The following NLGN1 variants were observed in gnomAD, a reference collection of about 807,000 sequenced individuals.
The protein encoded by NLGN1 is neuroligin 1.
NLGN1 carries 12 observed loss-of-function variants against 65.5 expected under a neutral mutation model. The ratio of observed to expected loss-of-function variants is 0.18; its 90% CI spans 0.12 to 0.30. NLGN1 has a LOEUF of 0.30. Ranked by LOEUF, NLGN1 falls within the 10% of genes least tolerant of loss-of-function variation. The pLI is 1.00. For missense variants in NLGN1, 750 were observed against 1,007.1 expected, an observed-to-expected ratio of 0.74 and a Z score of 3.46; for synonymous variants, 350 against 359.5, an observed-to-expected ratio of 0.97 and a Z score of 0.30.
intron 4 of NLGN1, among the ~76,000 whole-genome samples, chr3:174,154,951 T>A (rs1279847052): frequency 2.8e-5 from 4 of 140,930 alleles, no homozygotes; most frequent in Admixed American, 7.4e-5. Flanking sequence ...ATATAATATA[T>A]AATATAATAT....
chr3:173,811,585 A>AT (rs1717949254), intron 4 of NLGN1, among the ~76,000 whole-genome samples: 1 of 150,104 alleles, frequency 6.7e-6, no homozygotes, highest in Non-Finnish European at 1.5e-5. Flanking sequence ...AAAAAAAAAA[A>AT]GGAAGAAAAG....
chr3:173,984,954 A>G (rs1317515256), intron 4 of NLGN1, among the ~76,000 whole-genome samples: 3 of 152,164 alleles, frequency 2.0e-5, no homozygotes, highest in Admixed American at 1.3e-4. Context: ...AGGCAGGAGA[A>G]TTGCTTTAAC....
At chr3:173,738,054 G>A (rs905143039) in intron 3 of NLGN1, among the ~76,000 whole-genome samples, 8 of 151,776 alleles carry the variant, frequency 5.3e-5, no homozygotes, top group African/African-American at 1.9e-4. Flanking sequence ...TATCTTCTTT[G>A]GAGCAAAGCC....
chr3:173,653,142 A>AAAG (rs1759479648), intron 3 of NLGN1, among the ~76,000 whole-genome samples: 1 of 152,156 alleles, frequency 6.6e-6, no homozygotes, highest in Non-Finnish European at 1.5e-5. Context: ...GTTCTTTTGC[A>AAAG]AAGTCGTTAG....
intron 3 of NLGN1, among the ~76,000 whole-genome samples, chr3:173,612,190 G>A (rs760498429): frequency 3.3e-5 from 5 of 152,008 alleles, no homozygotes; most frequent in African/African-American, 9.7e-5. Flanking sequence ...TAACAATTCC[G>A]GAGAATCATT....
chr3:173,703,235 C>T (rs1384735617), intron 3 of NLGN1, among the ~76,000 whole-genome samples: 1 of 152,086 alleles, frequency 6.6e-6, no homozygotes, highest in Admixed American at 6.5e-5. Context: ...TAGTACAAAG[C>T]TATGTGAAAG....
At chr3:173,503,264 A>C (rs1227665558) in intron 2 of NLGN1, among the ~76,000 whole-genome samples, 1 of 152,126 alleles carries the variant, frequency 6.6e-6, no homozygotes, top group Non-Finnish European at 1.5e-5. Flanking sequence ...TATGGAAATG[A>C]AACAAACCTT....
intron 4 of NLGN1, among the ~76,000 whole-genome samples, chr3:174,123,502 A>G (rs1360101177): frequency 2.6e-5 from 4 of 152,036 alleles, no homozygotes. Flanking sequence ...ATTCTCATAG[A>G]ATTCTTTCTA....
At chr3:174,254,366 T>C (rs572063347) in intron 4 of NLGN1, among the ~76,000 whole-genome samples, 15 of 144,592 alleles carry the variant, frequency 1.0e-4, no homozygotes, top group Non-Finnish European at 2.1e-4. Flanking sequence ...GAAACTTGAA[T>C]TATCTTTCAA....
intron 4 of NLGN1, among the ~76,000 whole-genome samples, chr3:174,194,252 A>G (rs1389238488): frequency 6.6e-6 from 1 of 152,010 alleles, no homozygotes; most frequent in African/African-American, 2.4e-5. Flanking sequence ...AAGTCAAGAG[A>G]TCAAGACCAT....
Position 173,544,152 on chromosome 3 carries a change from A to G in NLGN1, c.-320-60127A>G, listed in dbSNP as rs369870079. Among the ~76,000 whole-genome samples, 20 of 152,210 alleles carry G rather than the reference A, an allele frequency of 1.3e-4. No homozygotes were observed. In the East Asian group the frequency reaches 3.7e-3, roughly 28 times the overall value. On this transcript the variant is annotated intron_variant, in intron 2 of 6. Coordinates refer to ENST00000457714, the Ensembl canonical transcript of NLGN1. ...ATAGTGGAATAAGGTGGTAAGGCATAATAGCATGCCAAGTCATCATAAAGA... is the reference window on the plus strand; with the variant it reads ...ATAGTGGAATAAGGTGGTAAGGCATGATAGCATGCCAAGTCATCATAAAGA...
At chr3:174,141,323 G>A (rs1274830831) in intron 4 of NLGN1, among the ~76,000 whole-genome samples, 3 of 152,112 alleles carry the variant, frequency 2.0e-5, no homozygotes, top group Non-Finnish European at 1.5e-5. Context: ...GGAGGTTGCT[G>A]AAGTGTTTCC....
intron 2 of NLGN1, among the ~76,000 whole-genome samples, chr3:173,478,476 G>T (rs969290151): frequency 2.0e-5 from 3 of 152,092 alleles, no homozygotes; most frequent in African/African-American, 7.2e-5. Flanking sequence ...ACATTGATAG[G>T]TGCAGCAAAC....
intron 2 of NLGN1, among the ~76,000 whole-genome samples, chr3:173,551,777 G>A: frequency 6.6e-6 from 1 of 152,106 alleles, no homozygotes; most frequent in African/African-American, 2.4e-5. Context: ...CCCCACACAA[G>A]CTACTTCACA....
intron 2 of NLGN1, among the ~76,000 whole-genome samples, chr3:173,545,854 AAAC>A (rs1322255233): frequency 2.0e-5 from 3 of 152,286 alleles, no homozygotes; most frequent in African/African-American, 7.2e-5. Context: ...ACGGAAAACC[AAAC>A]ACCACATGTT....
At chr3:173,735,644 G>A (rs1448383526) in intron 3 of NLGN1, among the ~76,000 whole-genome samples, 1 of 151,852 alleles carries the variant, frequency 6.6e-6, no homozygotes, top group Non-Finnish European at 1.5e-5. Context: ...TTGGAGAGGA[G>A]CAGAGTCCCT....
At chr3:173,543,770 TAGAA>T (rs1739291176) in intron 2 of NLGN1, among the ~76,000 whole-genome samples, 1 of 152,114 alleles carries the variant, frequency 6.6e-6, no homozygotes, top group South Asian at 2.1e-4. Flanking sequence ...TAGTAGAAGA[TAGAA>T]ATAAAATGGC....
In NLGN1 at chr3:174,279,729, A is replaced by G; in HGVS notation, c.1649+79A>G. On this transcript the variant is annotated intron_variant, in intron 6 of 6. Coordinates refer to ENST00000457714, the Ensembl canonical transcript of NLGN1. The surrounding 1 kb of genome is among the most constrained non-coding windows in gnomAD (Gnocchi z 4.7). ...TTTAAAATAATAGATATTTATGCCC[A>G]GATAATGTCATATTGGATTAATACC... 1 of 817,208 alleles carries G rather than the reference A, an allele frequency of 1.2e-6. No individual in the cohort carries two copies. The highest frequency in any genetic ancestry group is 1.9e-6 in the Non-Finnish European group (1 of 518,634). The allele number at this position is 817,208 out of a possible 1,614,324, so 50.6% of individuals were successfully genotyped here.
intron 2 of NLGN1, among the ~76,000 whole-genome samples, chr3:173,590,409 C>A (rs1274697431): frequency 6.6e-6 from 1 of 152,122 alleles, no homozygotes; most frequent in African/African-American, 2.4e-5. Flanking sequence ...TTATTTCACG[C>A]CACGGTCTTT....
Sources: allele counts gnomAD v4.1 joint callset (sites outside exome capture counted in the v4.1 genomes callset), GRCh38; gene constraint gnomAD v4.1.1; non-coding constraint Gnocchi (gnomAD v3.1); transcripts MANE v1.5; gene names NCBI Gene and HGNC (gene_info 2026-07-23, HGNC 2026-07-21).